Variants in IRAK2 observed in about 807,000 individuals in gnomAD.
The protein encoded by IRAK2 is interleukin-1 receptor-associated kinase-like 2.
In IRAK2, 57 loss-of-function variants were observed where a neutral mutation model predicts 72.0. That is an observed-to-expected ratio of 0.79 (90% CI 0.64 to 0.99). The LOEUF (loss-of-function observed/expected upper bound fraction) is 0.99. Among genes scored for constraint, IRAK2 ranks in the 50% least tolerant of loss-of-function variants. The pLI, the probability that IRAK2 is intolerant of heterozygous loss-of-function variation, is 0.00. For synonymous variants in IRAK2, 293 were observed against 312.7 expected (o/e 0.94, Z 0.67); for missense variants, 790 against 794.4 (o/e 0.99, Z 0.07).
intron 2 of IRAK2, among the ~76,000 whole-genome samples, chr3:10,180,436 G>A (rs1696943132): frequency 6.6e-6 from 1 of 152,134 alleles, no homozygotes; most frequent in African/African-American, 2.4e-5. Context: ...TCCTAGGACA[G>A]GGGGTCAAGG....
At chr3:10,213,438 G>A in intron 5 of IRAK2, 37 bp downstream of exon 5, 1 of 1,611,936 alleles carries the variant, frequency 6.2e-7, no homozygotes, top group Non-Finnish European at 8.5e-7. Flanking sequence ...GGTGGAGGCT[G>A]CAGGGGTGGG....
chr3:10,203,622 G>C (rs768152795), intron 3 of IRAK2, among the ~76,000 whole-genome samples: 27 of 152,034 alleles, frequency 1.8e-4, no homozygotes, highest in Non-Finnish European at 3.7e-4. Flanking sequence ...ACATGGAGGA[G>C]GAAAATATGT....
At chr3:10,184,511 A>G (rs573582018) in intron 2 of IRAK2, among the ~76,000 whole-genome samples, 12 of 147,668 alleles carry the variant, frequency 8.1e-5, no homozygotes, top group Middle Eastern at 3.4e-3. Flanking sequence ...GGCCCCAGTG[A>G]CCCAGGGCCT....
intron 12 of IRAK2, 61 bp downstream of exon 12, chr3:10,239,100 C>T (rs888621073): frequency 1.4e-6 from 2 of 1,429,444 alleles, no homozygotes; most frequent in Middle Eastern, 4.2e-4. Context: ...TTCAGCCCAT[C>T]ATTTTTTCTT....
chr3:10,171,876 C>T (rs1348070661), intron 1 of IRAK2, among the ~76,000 whole-genome samples: 1 of 151,646 alleles, frequency 6.6e-6, no homozygotes, highest in Non-Finnish European at 1.5e-5. Context: ...AGTGATTCTC[C>T]TGCCTCAGCC....
At chr3:10,222,069 G>T (rs1233410450) in intron 8 of IRAK2, among the ~76,000 whole-genome samples, 1 of 152,098 alleles carries the variant, frequency 6.6e-6, no homozygotes, top group African/African-American at 2.4e-5. Context: ...TGTATTTTTA[G>T]TAGAGATGGA....
intron 4 of IRAK2, 144 bp from the exon 5 acceptor site, chr3:10,213,063 C>T (rs547250691): frequency 8.5e-5 from 60 of 703,780 alleles, no homozygotes; most frequent in Admixed American, 4.3e-4. Context: ...CCACCGTGCC[C>T]GGCCTATCCA....
Position 10,177,875 on chromosome 3 carries a change from G to T in IRAK2, c.132G>T (p.Lys44Asn), listed in dbSNP as rs372088514. ...TCACAGACCTGACCCAGCTGCGGAA[G>T]ATCAAGTCCATGGAGCGGGTGCAGG... ...YVITDLTQLR[K>N]IKSMERVQGV... Residue 44 changes from lysine to asparagine, a missense_variant, in exon 2 of 13, where the codon AAG becomes AAT. By Grantham distance (94) the Lys-to-Asn change is moderately conservative. Transcript: ENST00000256458. The T allele has an allele frequency of 7.5e-5, 121 of 1,613,614 alleles. No homozygotes were observed. The highest frequency in any genetic ancestry group is 9.3e-5 in the Non-Finnish European group (110 of 1,180,048).
intron 10 of IRAK2, among the ~76,000 whole-genome samples, chr3:10,228,275 A>G (rs1322503516): frequency 2.0e-5 from 3 of 152,136 alleles, no homozygotes; most frequent in Non-Finnish European, 2.9e-5. Flanking sequence ...CCCCAGAAGC[A>G]TCCCCTGGGC....
intron 3 of IRAK2, among the ~76,000 whole-genome samples, chr3:10,209,037 A>G (rs1020056039): frequency 5.9e-5 from 9 of 152,042 alleles, no homozygotes; most frequent in Admixed American, 2.0e-4. Context: ...ACGTTTCTCC[A>G]TATTTCAAGC....
chr3:10,217,117 A>G, intron 7 of IRAK2, 69 bp downstream of exon 7: 3 of 1,191,920 alleles, frequency 2.5e-6, no homozygotes, highest in Non-Finnish European at 3.8e-6. Context: ...AGGGTTAAGG[A>G]CTTACAGAAG....
intron 11 of IRAK2, among the ~76,000 whole-genome samples, chr3:10,235,573 A>G (rs1697943941): frequency 6.6e-6 from 1 of 152,030 alleles, no homozygotes; most frequent in Non-Finnish European, 1.5e-5. Context: ...CCTTGAGAAT[A>G]CTCAGGAATT....
At position 10,238,694 on chromosome 3, in the gene IRAK2, T is replaced by C. The variant is rs575201811; in HGVS notation, c.1474-54T>C. Reference sequence around the variant, plus strand: ...TCTGCTGGGAGGCCAGATGTTAGCATTTCTATTTCAGAGAGAATTCCTGAT... The same window carrying C: ...TCTGCTGGGAGGCCAGATGTTAGCACTTCTATTTCAGAGAGAATTCCTGAT... On this transcript the variant is annotated intron_variant, in intron 11 of 12. Coordinates refer to ENST00000256458, the MANE Select transcript of IRAK2 (RefSeq NM_001570.4). 3.5e-4 allele frequency: 551 copies of C among 1,552,386 alleles called. 10 individuals carry two copies. In the South Asian group the frequency reaches 5.9e-3, roughly 17 times the overall value.
chr3:10,221,953 G>T (rs1435008699), intron 8 of IRAK2, among the ~76,000 whole-genome samples: 8 of 152,000 alleles, frequency 5.3e-5, no homozygotes, highest in Non-Finnish European at 1.2e-4. Flanking sequence ...CCACTCTGTT[G>T]CCCAGGCTGG....
chr3:10,190,425 C>T (rs892547918), intron 2 of IRAK2, among the ~76,000 whole-genome samples: 1 of 151,358 alleles, frequency 6.6e-6, no homozygotes, highest in Non-Finnish European at 1.5e-5. Flanking sequence ...GGACTACTGG[C>T]GCCCACCACC....
chr3:10,234,193 C>T (rs1485775163), intron 10 of IRAK2, among the ~76,000 whole-genome samples: 1 of 152,090 alleles, frequency 6.6e-6, no homozygotes, highest in Non-Finnish European at 1.5e-5. Context: ...TTCCCATTTT[C>T]CTGATGAACC....
intron 11 of IRAK2, among the ~76,000 whole-genome samples, chr3:10,234,872 C>G (rs1437235593): frequency 6.6e-6 from 1 of 152,228 alleles, no homozygotes; most frequent in East Asian, 1.9e-4. Context: ...GGGCGCAGGA[C>G]CAAACCCGTG....
rs145978380 is a variant in IRAK2 at position 10,215,751 on chromosome 3, TAC to T, written c.789-1161_789-1160del. Among the ~76,000 whole-genome samples, 1,147 of 149,978 alleles carry T rather than the reference TAC, an allele frequency of 7.6e-3. 11 individuals are homozygous for T. The highest frequency in any genetic ancestry group is 0.017 in the African/African-American group (699 of 40,828). On this transcript the variant is annotated intron_variant, in intron 6 of 12. Transcript: ENST00000256458. The stretch of plus-strand genomic sequence containing the variant: ...ACATGTATATGAATACTCACATGTG[TAC>T]ACACACACACACACACACACAGATA...
Position 10,213,610 on chromosome 3 carries a change from C to G in IRAK2, c.788+62C>G, listed in dbSNP as rs1697557685. On this transcript the variant is annotated intron_variant, in intron 6 of 12. Transcript: ENST00000256458. ...ACCTTTATATAGTGCTTCCTGTGTG[C>G]CCAGTCATGTTTTAAGCACTCTATT... 5.4e-6 allele frequency: 7 copies of G among 1,298,414 alleles called. No homozygotes were observed. In the South Asian group the frequency reaches 7.1e-5, roughly 13 times the overall value. The allele number at this position is 1,298,414 out of a possible 1,614,324, so 80.4% of individuals were successfully genotyped here.
Sources: gnomAD v4.1 joint callset for allele counts (sites outside exome capture counted in the v4.1 genomes callset) on GRCh38, gnomAD v4.1.1 for gene constraint, MANE v1.5 for transcripts, NCBI Gene and HGNC (gene_info 2026-07-23, HGNC 2026-07-21) for gene names.